MPHOSPH9: variants seen among roughly 807,000 people sequenced by gnomAD.
The protein encoded by MPHOSPH9 is M-phase phosphoprotein 9.
Under a neutral mutation model 145.5 loss-of-function variants are expected in MPHOSPH9, and 88 were observed. That is an observed-to-expected ratio of 0.60 (90% CI 0.51 to 0.72). The LOEUF (loss-of-function observed/expected upper bound fraction) is 0.72. MPHOSPH9 is among the 30% of genes least tolerant of loss of function. The probability of loss-of-function intolerance (pLI) is 0.00; values close to 1 mark genes in which losing one functional copy is unlikely to be tolerated. For missense variants in MPHOSPH9, 1,238 were observed against 1,386.6 expected (o/e 0.89, Z 1.70); for synonymous variants, 435 against 486.2 (o/e 0.89, Z 1.39).
At chr12:123,211,692 T>C (rs1224499543) in intron 7 of MPHOSPH9, among the ~76,000 whole-genome samples, 14 of 139,360 alleles carry the variant, frequency 1.0e-4, no homozygotes, top group African/African-American at 3.1e-4. Context: ...TTCTTTTTTT[T>C]TTTTTTTTTT....
intron 6 of MPHOSPH9, among the ~76,000 whole-genome samples, chr12:123,216,736 G>A (rs1327836789): frequency 6.6e-6 from 1 of 151,934 alleles, no homozygotes; most frequent in African/African-American, 2.4e-5. Context: ...AGTGGCTCAC[G>A]TCTATAATCC....
At chr12:123,214,952 A>T (rs962470440) in intron 6 of MPHOSPH9, 118 bp from the exon 7 acceptor site, 17 of 830,990 alleles carry the variant, frequency 2.0e-5, no homozygotes, top group Non-Finnish European at 3.3e-5. Flanking sequence ...GGGTTCAAAG[A>T]AGAAAGCCTG....
In MPHOSPH9 at chr12:123,202,152, T is replaced by C. The variant is rs763294885; in HGVS notation, c.1937+12A>G. On this transcript the variant is annotated intron_variant, in intron 11 of 23. Coordinates refer to ENST00000606320, the MANE Select transcript of MPHOSPH9 (RefSeq NM_022782.4). The stretch of plus-strand genomic sequence containing the variant: ...GGTGGAGAAAACTTCACAGCTAAAT[T>C]ATAAATTTTACCTGTCTACAAGAAT... 6.3e-7 allele frequency: 1 copy of C among 1,595,314 alleles called. No individual in the cohort carries two copies. The highest frequency in any genetic ancestry group is 8.5e-7 in the Non-Finnish European group (1 of 1,174,014).
intron 5 of MPHOSPH9, among the ~76,000 whole-genome samples, 180 bp from the exon 6 acceptor site, chr12:123,218,679 T>A (rs2682431): frequency 0.64 from 97,552 of 151,824 alleles, 35,822 homozygotes; most frequent in East Asian, 1. Context: ...ACGCACTACC[T>A]CGCCCAGCTA....
At chr12:123,203,719 T>C (rs954033360) in intron 8 of MPHOSPH9, among the ~76,000 whole-genome samples, 3 of 152,232 alleles carry the variant, frequency 2.0e-5, no homozygotes, top group Non-Finnish European at 4.4e-5. Flanking sequence ...GGTCTCACCC[T>C]GTTGCCCAGG....
intron 13 of MPHOSPH9, among the ~76,000 whole-genome samples, chr12:123,183,738 G>A (rs770375508): frequency 5.9e-5 from 9 of 152,008 alleles, no homozygotes; most frequent in Non-Finnish European, 1.0e-4. Context: ...GCTGACCACA[G>A]AAAACTGGTT....
intron 1 of MPHOSPH9, 179 bp downstream of exon 1, chr12:123,232,896 C>G (rs1050705621): frequency 6.6e-6 from 1 of 152,230 alleles, no homozygotes; most frequent in Non-Finnish European, 1.5e-5. Flanking sequence ...AAAAGGCGCA[C>G]CGCGGCCGGG....
At chr12:123,161,035 T>C (rs1565894265) in intron 22 of MPHOSPH9, 101 bp downstream of exon 22, 1 of 1,446,440 alleles carries the variant, frequency 6.9e-7, no homozygotes, top group South Asian at 1.3e-5. Flanking sequence ...TGTTATCCCA[T>C]TGTAATTTCC....
At chr12:123,195,983 C>T (rs2045926316) in intron 12 of MPHOSPH9, among the ~76,000 whole-genome samples, 1 of 151,928 alleles carries the variant, frequency 6.6e-6, no homozygotes, top group East Asian at 1.9e-4. Context: ...TGCAGTAAGC[C>T]ATGACGGCTC....
chr12:123,201,480 A>T (rs1260194395), intron 11 of MPHOSPH9, among the ~76,000 whole-genome samples: 1 of 152,134 alleles, frequency 6.6e-6, no homozygotes, highest in East Asian at 1.9e-4. Context: ...CCTGAGCTCA[A>T]GCAATCCTCT....
intron 17 of MPHOSPH9, 44 bp from the exon 18 acceptor site, chr12:123,165,521 T>A (rs555511512): frequency 6.5e-7 from 1 of 1,547,850 alleles, no homozygotes; most frequent in African/African-American, 1.4e-5. Flanking sequence ...GGACTAAATG[T>A]CTGTATCTTG....
upstream of MPHOSPH9, among the ~76,000 whole-genome samples, chr12:123,235,450 C>T (rs1229413639): frequency 2.0e-5 from 3 of 151,930 alleles, no homozygotes; most frequent in African/African-American, 7.3e-5. Flanking sequence ...CTGCAAGCTC[C>T]GCCCCCCAGG....
intron 16 of MPHOSPH9, among the ~76,000 whole-genome samples, chr12:123,175,375 G>A (rs913310342): frequency 2.6e-5 from 4 of 151,904 alleles, no homozygotes; most frequent in Admixed American, 2.0e-4. Context: ...GGATGGTCTC[G>A]ATCTCCTGAC....
chr12:123,206,013 C>T (rs775780279), intron 8 of MPHOSPH9, among the ~76,000 whole-genome samples: 7 of 151,994 alleles, frequency 4.6e-5, no homozygotes, highest in East Asian at 1.9e-4. Flanking sequence ...GAGTCCAAAG[C>T]GGGCTAGTCC....
At chr12:123,185,654 A>T (rs1229241793) in intron 13 of MPHOSPH9, among the ~76,000 whole-genome samples, 1 of 152,146 alleles carries the variant, frequency 6.6e-6, no homozygotes, top group African/African-American at 2.4e-5. Flanking sequence ...CTGAGGTAAG[A>T]GGATCACTTG....
At chr12:123,169,336 A>T (rs955951756) in intron 16 of MPHOSPH9, among the ~76,000 whole-genome samples, 1 of 151,488 alleles carries the variant, frequency 6.6e-6, no homozygotes, top group African/African-American at 2.4e-5. Flanking sequence ...TCTACTAAAA[A>T]TGCAAAATAA....
At chr12:123,165,014 TCA>T (rs1491554732) in intron 18 of MPHOSPH9, among the ~76,000 whole-genome samples, 1 of 21,582 alleles carries the variant, frequency 4.6e-5, no homozygotes, top group African/African-American at 1.9e-4. Flanking sequence ...TCTCACTGTC[TCA>T]AAAAAAAAAA....
At chr12:123,161,473 C>T (rs1209777443) in intron 21 of MPHOSPH9, 90 bp from the exon 22 acceptor site, 4 of 1,374,006 alleles carry the variant, frequency 2.9e-6, no homozygotes, top group Admixed American at 3.8e-5. Flanking sequence ...ATTTCACTTT[C>T]TGGATATAGC....
At chr12:123,200,936 G>C (rs770612836) in intron 11 of MPHOSPH9, among the ~76,000 whole-genome samples, 14 of 151,988 alleles carry the variant, frequency 9.2e-5, no homozygotes, top group Admixed American at 2.0e-4. Flanking sequence ...TGGGATTACA[G>C]GTGTGAGCCA....
Sources: gnomAD v4.1 joint callset for allele counts (sites outside exome capture counted in the v4.1 genomes callset) on GRCh38, gnomAD v4.1.1 for gene constraint, MANE v1.5 for transcripts, NCBI Gene and HGNC (gene_info 2026-07-23, HGNC 2026-07-21) for gene names.